The following DLGAP2 variants were observed in gnomAD, a reference collection of about 807,000 sequenced individuals.
DLGAP2 encodes DLG associated protein 2, also known as disks large-associated protein 2.
In DLGAP2, 26 loss-of-function variants were observed where a neutral mutation model predicts 100.3. The observed-to-expected ratio is 0.26, with a 90% CI of 0.19 to 0.36. The LOEUF is 0.36. Ranked by LOEUF, DLGAP2 falls within the 10% of genes least tolerant of loss-of-function variation. The pLI is 1.00. For missense variants in DLGAP2, 1,858 were observed against 1,453.2 expected, an observed-to-expected ratio of 1.28 and a Z score of -4.53; for synonymous variants, 886 against 630.1, an observed-to-expected ratio of 1.41 and a Z score of -6.08.
At chr8:1,488,533 T>G (rs900111948) in intron 3 of DLGAP2, among the ~76,000 whole-genome samples, 1 of 152,152 alleles carries the variant, frequency 6.6e-6, no homozygotes, top group African/African-American at 2.4e-5. Flanking sequence ...AGCCTGGTCC[T>G]AAGCAGCTCC....
intron 2 of DLGAP2, among the ~76,000 whole-genome samples, chr8:1,018,207 G>A (rs752724779): frequency 5.3e-5 from 8 of 151,836 alleles, no homozygotes; most frequent in East Asian, 1.9e-4. Context: ...TAGGCCCTCC[G>A]TCCTCAGCTT....
intron 3 of DLGAP2, among the ~76,000 whole-genome samples, chr8:1,371,999 C>A (rs902871094): frequency 2.6e-5 from 4 of 152,232 alleles, no homozygotes; most frequent in Non-Finnish European, 5.9e-5. Flanking sequence ...CATTTCAATG[C>A]TGCAGGTCAA....
chr8:1,177,454 G>C (rs1289841842), intron 2 of DLGAP2, among the ~76,000 whole-genome samples: 1 of 152,018 alleles, frequency 6.6e-6, no homozygotes, highest in African/African-American at 2.4e-5. Flanking sequence ...GGGCACACCG[G>C]AGCAGATGCA....
At chr8:1,174,264 C>A (rs1337091668) in intron 2 of DLGAP2, among the ~76,000 whole-genome samples, 3 of 152,048 alleles carry the variant, frequency 2.0e-5, no homozygotes, top group Non-Finnish European at 4.4e-5. Flanking sequence ...ATACCCATCA[C>A]CACCATCACC....
intron 2 of DLGAP2, among the ~76,000 whole-genome samples, chr8:1,222,237 A>G (rs1265762150): frequency 1.3e-5 from 2 of 152,168 alleles, no homozygotes; most frequent in African/African-American, 4.8e-5. Flanking sequence ...TGACATCGCT[A>G]TCTTTTGGAT....
intron 7 of DLGAP2, among the ~76,000 whole-genome samples, chr8:1,630,564 T>C (rs1334827248): frequency 6.6e-6 from 1 of 152,032 alleles, no homozygotes; most frequent in Non-Finnish European, 1.5e-5. Context: ...TAGCTGGGCA[T>C]GGTAGCGGGC....
At chr8:927,167 A>C in intron 2 of DLGAP2, 1 of 985,446 alleles carries the variant, frequency 1.0e-6, no homozygotes, top group Non-Finnish European at 1.2e-6. Flanking sequence ...ATGATGTGTC[A>C]GATGGGGAGT....
chr8:1,587,192 T>C lies in DLGAP2; in HGVS notation c.1442+21298T>C, dbSNP rs537832701. 2.6e-5 allele frequency among the ~76,000 whole-genome samples: 4 copies of C among 152,338 alleles called. No homozygotes were observed. The South Asian group carries it at 8.3e-4, about 32-fold the overall frequency. ...AGCCTTATCCCAAATACTGGTCTCT[T>C]TGCAGAAATCCATTGCCCGTTCATC... On this transcript the variant is annotated intron_variant, in intron 6 of 14. Coordinates refer to ENST00000637795, the MANE Select transcript of DLGAP2 (RefSeq NM_001346810.2).
intron 1 of DLGAP2, among the ~76,000 whole-genome samples, chr8:849,262 C>T (rs1438952512): frequency 6.6e-6 from 1 of 152,134 alleles, no homozygotes; most frequent in Non-Finnish European, 1.5e-5. Context: ...CACGTTGCAG[C>T]ATAGGATCAC....
At chr8:1,469,865 C>T (rs1306561489) in intron 3 of DLGAP2, among the ~76,000 whole-genome samples, 1 of 151,960 alleles carries the variant, frequency 6.6e-6, no homozygotes, top group Non-Finnish European at 1.5e-5. Context: ...TCCTATAAAA[C>T]TCATTTGAGG....
chr8:1,323,402 G>C (rs774443585), intron 3 of DLGAP2, among the ~76,000 whole-genome samples: 1 of 152,186 alleles, frequency 6.6e-6, no homozygotes, highest in East Asian at 1.9e-4. Flanking sequence ...TGGTTAAACC[G>C]CTTCTGGCTT....
At chr8:1,311,724 A>T (rs1402941999) in intron 3 of DLGAP2, among the ~76,000 whole-genome samples, 1 of 152,202 alleles carries the variant, frequency 6.6e-6, no homozygotes, top group Non-Finnish European at 1.5e-5. Flanking sequence ...AACTCTTATA[A>T]AATTAGAAGT....
intron 3 of DLGAP2, among the ~76,000 whole-genome samples, chr8:1,411,782 G>A (rs928600186): frequency 1.1e-4 from 17 of 152,296 alleles, no homozygotes; most frequent in East Asian, 3.9e-4. Flanking sequence ...TTGAATTTAT[G>A]GAAAGCTGCG....
At position 1,309,550 on chromosome 8, in the gene DLGAP2, G is replaced by C. The variant is rs117631006; in HGVS notation, c.106+50667G>C. Among the ~76,000 whole-genome samples the C allele has an allele frequency of 5.9e-5, 9 of 152,268 alleles. No individual in the cohort carries two copies. In the East Asian group the frequency reaches 1.7e-3, roughly 29 times the overall value. On this transcript the variant is annotated intron_variant, in intron 3 of 14. Coordinates refer to ENST00000637795, the MANE Select transcript of DLGAP2 (RefSeq NM_001346810.2). ...GGAAGTAAGACATTCCCAGATAAAC[G>C]GAACTTGAGACTTGCTCTACAAGAA...
At chr8:1,122,681 G>C (rs1049858528) in intron 2 of DLGAP2, among the ~76,000 whole-genome samples, 1 of 151,784 alleles carries the variant, frequency 6.6e-6, no homozygotes, top group African/African-American at 2.4e-5. Context: ...TTATTTTTTA[G>C]TTGATAAAGT....
At chr8:935,585 A>C (rs1168666684) in intron 2 of DLGAP2, among the ~76,000 whole-genome samples, 2 of 152,132 alleles carry the variant, frequency 1.3e-5, no homozygotes, top group African/African-American at 4.8e-5. Flanking sequence ...TTTCTCTTGG[A>C]CGGTGTGGCT....
chr8:933,518 G>A (rs1464006654), intron 2 of DLGAP2, among the ~76,000 whole-genome samples: 1 of 131,628 alleles, frequency 7.6e-6, no homozygotes, highest in African/African-American at 2.9e-5. Context: ...AGAGCCTGCT[G>A]TGGAGACACC....
chr8:1,597,539 T>G (rs1796497877), intron 6 of DLGAP2, among the ~76,000 whole-genome samples: 1 of 152,220 alleles, frequency 6.6e-6, no homozygotes, highest in African/African-American at 2.4e-5. Flanking sequence ...CTTCTCTTAT[T>G]TCCTTGAGTG....
intron 12 of DLGAP2, among the ~76,000 whole-genome samples, chr8:1,690,438 C>CA (rs1799228946): frequency 6.6e-6 from 1 of 151,986 alleles, no homozygotes; most frequent in Non-Finnish European, 1.5e-5. Context: ...GGCACGGTGG[C>CA]TCACGCCTGT....
Sources: allele counts gnomAD v4.1 joint callset (sites outside exome capture counted in the v4.1 genomes callset), GRCh38; gene constraint gnomAD v4.1.1; transcripts MANE v1.5; gene names NCBI Gene and HGNC (gene_info 2026-07-23, HGNC 2026-07-21).